The following DYNC2H1 variants were observed in gnomAD, a reference collection of about 807,000 sequenced individuals.
DYNC2H1 encodes the protein cytoplasmic dynein 2 heavy chain 1.
In DYNC2H1, 410 loss-of-function variants were observed where a neutral mutation model predicts 570.0. That is an observed-to-expected ratio of 0.72 (90% CI 0.66 to 0.78). The LOEUF is 0.78. DYNC2H1 is among the 30% of genes least tolerant of loss of function. The pLI, the probability that DYNC2H1 is intolerant of heterozygous loss-of-function variation, is 0.00. For synonymous variants in DYNC2H1, 1,688 were observed against 1,677.6 expected (o/e 1.01, Z -0.15); for missense variants, 4,865 against 5,046.4 (o/e 0.96, Z 1.09).
intron 83 of DYNC2H1, among the ~76,000 whole-genome samples, chr11:103,380,915 A>G (rs1179930993): frequency 3.3e-5 from 5 of 152,106 alleles, no homozygotes; most frequent in Non-Finnish European, 7.4e-5. Context: ...AAAAGGAAAT[A>G]CCTGCCATGT....
chr11:103,135,346 T>C (rs1202396997), intron 15 of DYNC2H1, 149 bp from the exon 16 acceptor site: 1 of 601,610 alleles, frequency 1.7e-6, no homozygotes. Context: ...ATACGGAGAG[T>C]AACAAGGATG....
intron 84 of DYNC2H1, among the ~76,000 whole-genome samples, chr11:103,415,925 A>G (rs1432215709): frequency 6.6e-6 from 1 of 152,248 alleles, no homozygotes; most frequent in Non-Finnish European, 1.5e-5. Flanking sequence ...GATAGACTGG[A>G]TTAAGAAAAT....
At chr11:103,233,115 T>G (rs1278510316) in intron 60 of DYNC2H1, among the ~76,000 whole-genome samples, 3 of 151,982 alleles carry the variant, frequency 2.0e-5, no homozygotes, top group Non-Finnish European at 4.4e-5. Context: ...AGAAAGACAA[T>G]GAAATATACT....
chr11:103,429,868 T>A lies in DYNC2H1; in HGVS notation c.12367-6075T>A, dbSNP rs552400043. Among the ~76,000 whole-genome samples, 3 of 152,286 alleles carry A rather than the reference T, an allele frequency of 2.0e-5. No individual in the cohort carries two copies. The South Asian group carries it at 6.2e-4, about 32-fold the overall frequency. On this transcript the variant is annotated intron_variant, in intron 84 of 88. Coordinates refer to ENST00000375735, the MANE Select transcript of DYNC2H1 (RefSeq NM_001377.3). Reference sequence around the variant, plus strand: ...TTAAAATTGTAAACTGAGTCTTTTTTCACACATCATAAAAACCTTGTGCAA... The same window carrying A: ...TTAAAATTGTAAACTGAGTCTTTTTACACACATCATAAAAACCTTGTGCAA...
At chr11:103,121,273 T>C in intron 9 of DYNC2H1, 99 bp from the exon 10 acceptor site, 1 of 1,352,738 alleles carries the variant, frequency 7.4e-7, no homozygotes, top group South Asian at 1.6e-5. Flanking sequence ...CTCATTATTT[T>C]TCTTTCTACA....
chr11:103,291,207 G>A (rs1430110501), intron 75 of DYNC2H1, among the ~76,000 whole-genome samples: 1 of 152,184 alleles, frequency 6.6e-6, no homozygotes, highest in Non-Finnish European at 1.5e-5. Context: ...GGAGGCCAAG[G>A]TGGGCAGATC....
intron 76 of DYNC2H1, among the ~76,000 whole-genome samples, chr11:103,303,671 G>A (rs193021780): frequency 9.7e-4 from 148 of 152,150 alleles, no homozygotes; most frequent in Middle Eastern, 3.4e-3. Flanking sequence ...AAAAACAAGG[G>A]AAGAATTATC....
chr11:103,164,825 C>T (rs1861236103), intron 30 of DYNC2H1, among the ~76,000 whole-genome samples: 1 of 152,206 alleles, frequency 6.6e-6, no homozygotes, highest in Non-Finnish European at 1.5e-5. Flanking sequence ...TAGCCATTCA[C>T]AGAAATTACA....
intron 36 of DYNC2H1, 43 bp downstream of exon 36, chr11:103,174,213 C>T: frequency 6.9e-7 from 1 of 1,449,204 alleles, no homozygotes; most frequent in Non-Finnish European, 9.4e-7. Context: ...TTTTTAAAAA[C>T]ATAAGCGTTA....
At chr11:103,420,596 A>G (rs1438447129) in intron 84 of DYNC2H1, among the ~76,000 whole-genome samples, 1 of 152,214 alleles carries the variant, frequency 6.6e-6, no homozygotes, top group African/African-American at 2.4e-5. Flanking sequence ...AGAAAAGAAT[A>G]TTTAACCCAG....
intron 83 of DYNC2H1, among the ~76,000 whole-genome samples, chr11:103,398,465 T>C (rs2135639987): frequency 6.6e-6 from 1 of 152,298 alleles, no homozygotes; most frequent in South Asian, 2.1e-4. Flanking sequence ...TACTTAATGT[T>C]GATTTATTTA....
chr11:103,475,412 G>T (rs2135868323), intron 88 of DYNC2H1, among the ~76,000 whole-genome samples: 1 of 152,250 alleles, frequency 6.6e-6, no homozygotes, highest in East Asian at 1.9e-4. Flanking sequence ...ATATTAAAGA[G>T]GGAATTGGGT....
chr11:103,235,706 C>G lies in DYNC2H1; in HGVS notation c.9602C>G (p.Pro3201Arg). The change falls in exon 62 of 89, where the codon CCT becomes CGT. Residue 3201 changes from proline (P) to arginine (R), a missense_variant. Coordinates refer to ENST00000375735, the MANE Select transcript of DYNC2H1 (RefSeq NM_001377.3). ...VEITEELATL[P>R]KRAQLAAAFI... ...ATAACAGAGGAATTAGCTACTCTTC[C>G]TAAAAGAGCTCAACTTGCTGCTGCA... 2 of 1,610,884 alleles carry G rather than the reference C, an allele frequency of 1.2e-6. No individual in the cohort carries two copies. Among genetic ancestry groups the G allele is most frequent in the Non-Finnish European group, 8.5e-7 (1 of 1,178,118 alleles).
rs917620680 is a variant in DYNC2H1, at chr11:103,325,753, C to A, written c.12039+1763C>A. Among the ~76,000 whole-genome samples, 2 of 152,144 alleles carry A rather than the reference C, an allele frequency of 1.3e-5. No individual in the cohort carries two copies. Among genetic ancestry groups the A allele is most frequent in the Non-Finnish European group, 2.9e-5 (2 of 68,018 alleles). On this transcript the variant is annotated intron_variant, in intron 82 of 88. Transcript: ENST00000375735. The surrounding 1 kb of genome is among the most constrained non-coding windows in gnomAD (Gnocchi z 4.8). ...ATTGATTTACTGGATACCTTGGATT[C>A]TTTGGATCGGATTTCAACTTTCTCC...
intron 11 of DYNC2H1, 126 bp from the exon 12 acceptor site, chr11:103,124,974 A>G (rs1858914512): frequency 1.5e-6 from 1 of 671,152 alleles, no homozygotes; most frequent in South Asian, 2.7e-5. Flanking sequence ...AAAAGCTATA[A>G]TTAAAAAGTT....
chr11:103,477,969 A>G (rs933930565), intron 88 of DYNC2H1, among the ~76,000 whole-genome samples: 17 of 152,078 alleles, frequency 1.1e-4, no homozygotes, highest in Admixed American at 2.0e-4. Flanking sequence ...TAAAAGATGA[A>G]CTTGTATAAT....
intron 70 of DYNC2H1, among the ~76,000 whole-genome samples, chr11:103,279,923 G>A (rs1257050235): frequency 6.6e-6 from 1 of 152,106 alleles, no homozygotes. Context: ...AATCTATCTA[G>A]TAAGGAGAAA....
chr11:103,296,651 T>C (rs1866840287), intron 75 of DYNC2H1, among the ~76,000 whole-genome samples: 1 of 152,192 alleles, frequency 6.6e-6, no homozygotes. Context: ...TTTGCTGTAA[T>C]CAAAGCTCAA....
intron 85 of DYNC2H1, among the ~76,000 whole-genome samples, chr11:103,449,623 C>T (rs185978767): frequency 2.0e-5 from 3 of 152,202 alleles, no homozygotes; most frequent in African/African-American, 7.2e-5. Flanking sequence ...TTAATCAAAT[C>T]TTCTCTATAC....
Sources: gnomAD v4.1 joint callset for allele counts (sites outside exome capture counted in the v4.1 genomes callset) on GRCh38, gnomAD v4.1.1 for gene constraint, Gnocchi (gnomAD v3.1) non-coding constraint, MANE v1.5 for transcripts, NCBI Gene and HGNC (gene_info 2026-07-23, HGNC 2026-07-21) for gene names.